SNUPN: variants seen among roughly 807,000 people sequenced by gnomAD.
SNUPN encodes snurportin-1.
Under a neutral mutation model 39.2 loss-of-function variants are expected in SNUPN, and 31 were observed. That is an observed-to-expected ratio of 0.79 (90% CI 0.59 to 1.07). The LOEUF (loss-of-function observed/expected upper bound fraction) is 1.07. SNUPN is among the 50% of genes least tolerant of loss of function. The pLI is 0.00. For missense variants in SNUPN, 382 were observed against 434.2 expected (o/e 0.88, Z 1.07); for synonymous variants, 132 against 159.0 (o/e 0.83, Z 1.28).
Position 75,617,456 on chromosome 15 carries a change from T to C in SNUPN, c.255A>G (p.Glu85=). ...ACTTCTTGACAGTGTCAATGTCCAT[T>C]TCTTCATCATCTTTCTTATTTTCTT... ...SEEENKKDDE[E]MDIDTVKKLP... is the part of the protein sequence containing the mutation. Residue 85 remains glutamate (E), a synonymous_variant, in exon 3 of 9, where the codon GAA becomes GAG. Transcript: ENST00000308588. 6.2e-7 allele frequency: 1 copy of C among 1,614,202 alleles called. No homozygotes were observed. The highest frequency in any genetic ancestry group is 8.5e-7 in the Non-Finnish European group (1 of 1,180,026).
At chr15:75,616,331 A>G (rs1012991398) in intron 3 of SNUPN, among the ~76,000 whole-genome samples, 8 of 151,984 alleles carry the variant, frequency 5.3e-5, no homozygotes, top group African/African-American at 1.4e-4. Context: ...GGTGGCAGGC[A>G]TCTGTAATCC....
intron 1 of SNUPN, chr15:75,625,389 G>C (rs1163578396): frequency 6.6e-6 from 1 of 151,722 alleles, no homozygotes; most frequent in Non-Finnish European, 1.5e-5. Flanking sequence ...TCGGCCGTGC[G>C]CGCCGCCACC....
intron 7 of SNUPN, among the ~76,000 whole-genome samples, chr15:75,603,791 G>C (rs1301696657): frequency 6.6e-6 from 1 of 151,970 alleles, no homozygotes. Context: ...CACTAATAAA[G>C]GGCTAGTGAA....
chr15:75,614,374 A>T (rs1198130510), intron 3 of SNUPN, among the ~76,000 whole-genome samples: 2 of 152,214 alleles, frequency 1.3e-5, no homozygotes, highest in Non-Finnish European at 2.9e-5. Flanking sequence ...AGCAACTCAA[A>T]TAGCCATAAA....
At position 75,621,032 on chromosome 15, in the gene SNUPN, GC is replaced by G. The variant is rs1353978024; in HGVS notation, c.19del (p.Ala7ProfsTer12). The G allele has an allele frequency of 6.2e-7, 1 of 1,613,744 alleles. No homozygotes were observed. Among genetic ancestry groups the G allele is most frequent in the East Asian group, 2.2e-5 (1 of 44,882 alleles). ...AGACACAGAAAAGCTACTAGCCAGG[GC>G]CTGACTCAACTCTTCCATCTTCCCT... MEELSQ[A>X]LASSFSVSQD... On this transcript the variant is annotated frameshift_variant, in exon 2 of 9. Transcript: ENST00000308588. LOFTEE classifies it high-confidence loss of function.
intron 4 of SNUPN, 82 bp from the exon 5 acceptor site, chr15:75,609,733 C>T: frequency 8.2e-7 from 1 of 1,213,654 alleles, no homozygotes; most frequent in Non-Finnish European, 1.2e-6. Context: ...AGGAATGTTA[C>T]TCGACCAAAG....
At chr15:75,614,886 C>T (rs796264490) in intron 3 of SNUPN, among the ~76,000 whole-genome samples, 10 of 152,208 alleles carry the variant, frequency 6.6e-5, no homozygotes, top group African/African-American at 2.4e-4. Context: ...TTCTACCAAT[C>T]CTATGAGATA....
chr15:75,615,619 T>TTTTTTA (rs1892906410), intron 3 of SNUPN, among the ~76,000 whole-genome samples: 1 of 138,464 alleles, frequency 7.2e-6, no homozygotes, highest in African/African-American at 2.7e-5. Flanking sequence ...TTTTTTTTTT[T>TTTTTTA]GAGACGGAGT....
At chr15:75,613,829 G>A (rs549672623) in intron 3 of SNUPN, among the ~76,000 whole-genome samples, 1 of 152,240 alleles carries the variant, frequency 6.6e-6, no homozygotes, top group African/African-American at 2.4e-5. Context: ...TATGTTGCTG[G>A]TGGGAATGTA....
At chr15:75,619,090 G>A (rs1055281233) in intron 2 of SNUPN, among the ~76,000 whole-genome samples, 25 of 149,788 alleles carry the variant, frequency 1.7e-4, no homozygotes, top group African/African-American at 6.2e-4. Context: ...CCAGCCCTCT[G>A]GGAGGGTGAA....
Position 75,598,424 on chromosome 15 carries a change from C to T in SNUPN, c.1017G>A (p.Leu339=), listed in dbSNP as rs765836119. ...SENGHYELEH[L]STPKLKGSSH... ...AAGAACCCTTCAACTTGGGAGTAGA[C>T]AGGTGCTCCAATTCATAGTGCCCAT... Residue 339 remains leucine, a synonymous_variant, in exon 9 of 9, where the codon CTG becomes CTA. Transcript: ENST00000308588. 15 of 1,614,098 alleles carry T rather than the reference C, an allele frequency of 9.3e-6. No individual in the cohort carries two copies. Among genetic ancestry groups the T allele is most frequent in the Admixed American group, 3.3e-5 (2 of 59,996 alleles).
At chr15:75,601,112 G>A (rs772448139) in intron 8 of SNUPN, 26 bp downstream of exon 8, 2 of 1,517,118 alleles carry the variant, frequency 1.3e-6, no homozygotes, top group Non-Finnish European at 1.8e-6. Flanking sequence ...ATCATGTCAA[G>A]GCAATAAAGA....
intron 7 of SNUPN, among the ~76,000 whole-genome samples, chr15:75,602,669 A>C (rs1440662899): frequency 6.7e-6 from 1 of 150,228 alleles, no homozygotes; most frequent in Non-Finnish European, 1.5e-5. Context: ...GCAGTGGCAC[A>C]ATCACAGCTC....
chr15:75,622,254 A>T, intron 1 of SNUPN: 1 of 629,938 alleles, frequency 1.6e-6, no homozygotes, highest in Non-Finnish European at 2.0e-6. Context: ...TTTTTAAAAA[A>T]TCTGATTGTT....
chr15:75,616,702 C>T (rs1412998664), intron 3 of SNUPN, among the ~76,000 whole-genome samples: 1 of 152,164 alleles, frequency 6.6e-6, no homozygotes, highest in African/African-American at 2.4e-5. Context: ...TGGACCCATA[C>T]CCTGCTTTCT....
chr15:75,622,539 G>A (rs1893098194), intron 1 of SNUPN: 4 of 932,552 alleles, frequency 4.3e-6, no homozygotes, highest in Middle Eastern at 5.4e-4. Flanking sequence ...TCATTCAAGC[G>A]CCTGTGAGCC....
chr15:75,603,342 CG>C (rs936594607), intron 7 of SNUPN, among the ~76,000 whole-genome samples: 1 of 145,414 alleles, frequency 6.9e-6, no homozygotes, highest in African/African-American at 2.5e-5. Flanking sequence ...CTACCGCACT[CG>C]GCCTGGCCCA....
intron 1 of SNUPN, chr15:75,624,684 G>T (rs1893172226): frequency 1.7e-6 from 2 of 1,205,698 alleles, no homozygotes; most frequent in Non-Finnish European, 2.1e-6. Context: ...AAGAAAAACT[G>T]ATGTCCTGGA....
chr15:75,625,409 T>G (rs1893200430), intron 1 of SNUPN: 1 of 151,242 alleles, frequency 6.6e-6, no homozygotes, highest in African/African-American at 2.4e-5. Context: ...CGCCCCGCAC[T>G]GCCTTTTTCT....
Sources: gnomAD v4.1 joint callset for allele counts (sites outside exome capture counted in the v4.1 genomes callset) on GRCh38, gnomAD v4.1.1 for gene constraint, MANE v1.5 for transcripts, NCBI Gene and HGNC (gene_info 2026-07-23, HGNC 2026-07-21) for gene names.